Variants in TSPAN18 observed in about 807,000 individuals in gnomAD.
TSPAN18 encodes the protein tetraspanin 18.
TSPAN18 carries 14 observed loss-of-function variants against 27.3 expected under a neutral mutation model. The ratio of observed to expected loss-of-function variants is 0.51; its 90% CI spans 0.34 to 0.80. TSPAN18 has a LOEUF of 0.80. Among genes scored for constraint, TSPAN18 ranks in the 30% least tolerant of loss-of-function variants. The pLI is 0.01. For synonymous variants in TSPAN18, 143 were observed against 136.5 expected, an observed-to-expected ratio of 1.05 and a Z score of -0.33; for missense variants, 268 against 323.9, an observed-to-expected ratio of 0.83 and a Z score of 1.32.
At chr11:44,828,430 C>G in intron 2 of TSPAN18, among the ~76,000 whole-genome samples, 1 of 152,112 alleles carries the variant, frequency 6.6e-6, no homozygotes, top group East Asian at 1.9e-4. Flanking sequence ...GAATGGTTTC[C>G]TTACCTATAG....
chr11:44,799,019 C>A (rs557247424), intron 2 of TSPAN18, among the ~76,000 whole-genome samples: 1 of 143,134 alleles, frequency 7.0e-6, no homozygotes, highest in African/African-American at 2.6e-5. Flanking sequence ...TCATGCTCTG[C>A]ACCCCACCCC....
intron 2 of TSPAN18, among the ~76,000 whole-genome samples, chr11:44,777,163 T>C (rs1433888115): frequency 2.6e-5 from 4 of 152,186 alleles, no homozygotes; most frequent in Non-Finnish European, 5.9e-5. Flanking sequence ...GGCCCTCAAA[T>C]AGCTTCCCTA....
intron 2 of TSPAN18, among the ~76,000 whole-genome samples, chr11:44,840,734 C>G (rs1857356559): frequency 6.6e-6 from 1 of 152,196 alleles, no homozygotes; most frequent in Non-Finnish European, 1.5e-5. Context: ...GCATTTCAGG[C>G]AGGAAACCTT....
intron 2 of TSPAN18, among the ~76,000 whole-genome samples, chr11:44,808,143 A>C (rs898341344): frequency 6.6e-6 from 1 of 152,188 alleles, no homozygotes; most frequent in Non-Finnish European, 1.5e-5. Flanking sequence ...GCTTCACATG[A>C]ATATTCATTG....
chr11:44,732,326 G>A (rs977610608), intron 1 of TSPAN18, among the ~76,000 whole-genome samples: 3 of 152,184 alleles, frequency 2.0e-5, no homozygotes, highest in Admixed American at 6.5e-5. Flanking sequence ...TCCTGTCTCC[G>A]CCTACAAGGA....
chr11:44,813,930 A>G (rs1365193443), intron 2 of TSPAN18, among the ~76,000 whole-genome samples: 1 of 152,202 alleles, frequency 6.6e-6, no homozygotes, highest in African/African-American at 2.4e-5. Flanking sequence ...AATAAAAATC[A>G]AGGGTGCAGA....
chr11:44,775,164 CTG>C (rs539820946), intron 2 of TSPAN18, among the ~76,000 whole-genome samples: 76 of 152,348 alleles, frequency 5.0e-4, no homozygotes, highest in African/African-American at 1.8e-3. Context: ...CCAGCTAAAT[CTG>C]GACTTCCTAT....
At chr11:44,779,380 T>C (rs910460001) in intron 2 of TSPAN18, among the ~76,000 whole-genome samples, 27 of 152,148 alleles carry the variant, frequency 1.8e-4, no homozygotes, top group Admixed American at 6.5e-5. Flanking sequence ...TGTGTCCTTT[T>C]TGTGTTCAGT....
chr11:44,761,667 C>T (rs1468536789), intron 1 of TSPAN18, among the ~76,000 whole-genome samples: 2 of 152,160 alleles, frequency 1.3e-5, no homozygotes, highest in Admixed American at 1.3e-4. Flanking sequence ...GACATGCAGC[C>T]CGCAGCTCCT....
intron 2 of TSPAN18, among the ~76,000 whole-genome samples, chr11:44,857,534 TAG>T (rs1048955159): frequency 1.3e-5 from 2 of 152,186 alleles, no homozygotes; most frequent in African/African-American, 4.8e-5. Context: ...AGCAGGTAGC[TAG>T]AGAGTGAAGG....
chr11:44,797,552 G>C (rs538691826), intron 2 of TSPAN18, among the ~76,000 whole-genome samples: 254 of 152,336 alleles, frequency 1.7e-3, no homozygotes, highest in African/African-American at 5.5e-3. Flanking sequence ...TGGGAGCCAA[G>C]TCCTGCCATT....
chr11:44,926,189 G>A (rs914996774), intron 8 of TSPAN18, among the ~76,000 whole-genome samples: 27 of 152,278 alleles, frequency 1.8e-4, no homozygotes, highest in Admixed American at 9.8e-4. Context: ...GGCAGGTCAC[G>A]AGGAACAGTA....
chr11:44,849,206 C>T (rs1362192377), intron 2 of TSPAN18, among the ~76,000 whole-genome samples: 1 of 152,100 alleles, frequency 6.6e-6, no homozygotes, highest in African/African-American at 2.4e-5. Context: ...GGTTTGACTC[C>T]TGTTGGGCGT....
At chr11:44,856,663 G>A (rs1002126801) in intron 2 of TSPAN18, among the ~76,000 whole-genome samples, 3 of 152,054 alleles carry the variant, frequency 2.0e-5, no homozygotes, top group Non-Finnish European at 2.9e-5. Context: ...TGGAATCCCA[G>A]GTATATAGCA....
At chr11:44,813,602 C>T (rs1156695129) in intron 2 of TSPAN18, among the ~76,000 whole-genome samples, 2 of 152,182 alleles carry the variant, frequency 1.3e-5, no homozygotes, top group Admixed American at 6.5e-5. Context: ...TGGCTTTGTG[C>T]CCCTCCTTGC....
At chr11:44,918,804 G>A (rs1860012628) in intron 6 of TSPAN18, among the ~76,000 whole-genome samples, 1 of 151,938 alleles carries the variant, frequency 6.6e-6, no homozygotes, top group Non-Finnish European at 1.5e-5. Flanking sequence ...GGAAACTGAT[G>A]TACAAAGACT....
At chr11:44,727,377 C>G (rs1177782500) in intron 1 of TSPAN18, 90 bp downstream of exon 1, 1 of 152,632 alleles carries the variant, frequency 6.6e-6, no homozygotes, top group Non-Finnish European at 1.5e-5. Context: ...CCCGGGGGTG[C>G]TGCTGGACGC....
intron 2 of TSPAN18, among the ~76,000 whole-genome samples, chr11:44,825,934 C>T (rs1857031772): frequency 6.6e-6 from 1 of 152,180 alleles, no homozygotes; most frequent in South Asian, 2.1e-4. Flanking sequence ...CCACTCTGTC[C>T]TCTTTCTGAC....
chr11:44,904,437 C>T (rs1251655343), intron 3 of TSPAN18, among the ~76,000 whole-genome samples: 1 of 152,238 alleles, frequency 6.6e-6, no homozygotes, highest in Admixed American at 6.5e-5. Flanking sequence ...GCTCCAGGCA[C>T]CTTAGCCATG....
Sources: gnomAD v4.1 joint callset for allele counts (sites outside exome capture counted in the v4.1 genomes callset) on GRCh38, gnomAD v4.1.1 for gene constraint, MANE v1.5 for transcripts, NCBI Gene and HGNC (gene_info 2026-07-23, HGNC 2026-07-21) for gene names.